The following CNTLN variants were observed in gnomAD, a reference collection of about 807,000 sequenced individuals.
The protein encoded by CNTLN is centlein, centrosomal protein.
CNTLN carries 212 observed loss-of-function variants against 180.0 expected under a neutral mutation model. That is an observed-to-expected ratio of 1.18 (90% confidence interval 1.05 to 1.32). The LOEUF (loss-of-function observed/expected upper bound fraction) is 1.32, where lower values mean the gene tolerates loss of function less well. Among genes scored for constraint, CNTLN ranks in the 40% most tolerant of loss-of-function variants. CNTLN has a pLI of 0.00. For synonymous variants in CNTLN, 722 were observed against 563.1 expected, an observed-to-expected ratio of 1.28 and a Z score of -3.99; for missense variants, 2,095 against 1,610.9, an observed-to-expected ratio of 1.30 and a Z score of -5.14.
chr9:17,220,738 C>T (rs1019577199), intron 2 of CNTLN, among the ~76,000 whole-genome samples: 40 of 152,138 alleles, frequency 2.6e-4, no homozygotes, highest in African/African-American at 9.7e-4. Flanking sequence ...AGGATAATGA[C>T]CTTCAGCTCC....
intron 6 of CNTLN, among the ~76,000 whole-genome samples, chr9:17,274,794 G>T (rs1828205459): frequency 6.6e-6 from 1 of 151,930 alleles, no homozygotes; most frequent in Non-Finnish European, 1.5e-5. Flanking sequence ...TTGGTAAGGG[G>T]GTCAAGTTAG....
chr9:17,350,786 C>G (rs1031853380), intron 12 of CNTLN, among the ~76,000 whole-genome samples: 1 of 152,106 alleles, frequency 6.6e-6, no homozygotes. Context: ...CCCTTTCTAT[C>G]CCTAATTGCT....
intron 11 of CNTLN, among the ~76,000 whole-genome samples, chr9:17,341,245 T>C (rs1028114566): frequency 3.3e-5 from 5 of 152,168 alleles, no homozygotes; most frequent in African/African-American, 1.2e-4. Context: ...AAAGCAAAAA[T>C]GGTTAATATC....
intron 5 of CNTLN, among the ~76,000 whole-genome samples, chr9:17,241,629 A>AG (rs142817515): frequency 0.21 from 31,198 of 151,964 alleles, 4,065 homozygotes; most frequent in African/African-American, 0.36. Context: ...TAGAATCTGT[A>AG]ATGGCTTTGG....
intron 10 of CNTLN, among the ~76,000 whole-genome samples, chr9:17,334,370 A>G (rs774493133): frequency 2.0e-5 from 3 of 151,768 alleles, no homozygotes; most frequent in African/African-American, 4.8e-5. Context: ...CTTTTGCATA[A>G]TTCTTGAAAT....
chr9:17,220,461 A>C (rs1000721169), intron 2 of CNTLN, among the ~76,000 whole-genome samples: 6 of 152,048 alleles, frequency 3.9e-5, no homozygotes, highest in South Asian at 2.1e-4. Context: ...AATGTAGTTA[A>C]ATGTTTTTTA....
intron 2 of CNTLN, among the ~76,000 whole-genome samples, chr9:17,199,271 G>A (rs1484747548): frequency 1.4e-5 from 2 of 147,718 alleles, no homozygotes; most frequent in Non-Finnish European, 1.5e-5. Flanking sequence ...GAGTGCAGTG[G>A]CATAGTCTTG....
At chr9:17,291,219 G>C (rs1375358879) in intron 6 of CNTLN, among the ~76,000 whole-genome samples, 1 of 152,160 alleles carries the variant, frequency 6.6e-6, no homozygotes, top group Non-Finnish European at 1.5e-5. Flanking sequence ...TTACTCCCAA[G>C]TACGTGACTG....
At chr9:17,434,845 A>T (rs1004768988) in intron 18 of CNTLN, among the ~76,000 whole-genome samples, 4 of 152,114 alleles carry the variant, frequency 2.6e-5, no homozygotes, top group Admixed American at 2.6e-4. Context: ...AAAAAAAAAA[A>T]GTTGTTGTTT....
At chr9:17,193,631 T>A (rs1212141443) in intron 2 of CNTLN, among the ~76,000 whole-genome samples, 1 of 152,186 alleles carries the variant, frequency 6.6e-6, no homozygotes, top group Non-Finnish European at 1.5e-5. Flanking sequence ...CCCTCCCAGC[T>A]GCCTTCACGG....
rs1833328152 is a variant in CNTLN, at chr9:17,494,314, A to G, written c.4119+7248A>G. Among the ~76,000 whole-genome samples the G allele has an allele frequency of 2.0e-5, 3 of 152,202 alleles. No individual in the cohort carries two copies. In the South Asian group the frequency reaches 6.2e-4, roughly 32 times the overall value. Reference sequence around the variant, plus strand: ...ATGAGGACATTTTGGCCAATGACAGACCACACTATACAATGGTGTCCCCAT... The same window carrying G: ...ATGAGGACATTTTGGCCAATGACAGGCCACACTATACAATGGTGTCCCCAT... On this transcript the variant is annotated intron_variant, in intron 25 of 25. Transcript: ENST00000380647.
chr9:17,279,536 A>G (rs951488135), intron 6 of CNTLN, among the ~76,000 whole-genome samples: 9 of 151,882 alleles, frequency 5.9e-5, no homozygotes. Flanking sequence ...TATTTCCACT[A>G]TAGTCTGATG....
chr9:17,475,307 G>C (rs927563888), intron 23 of CNTLN, among the ~76,000 whole-genome samples: 2 of 152,096 alleles, frequency 1.3e-5, no homozygotes, highest in African/African-American at 2.4e-5. Context: ...GGTTGGAAGA[G>C]TTGAGTTTCC....
intron 6 of CNTLN, among the ~76,000 whole-genome samples, chr9:17,279,297 CT>C (rs1427782952): frequency 1.3e-5 from 2 of 152,072 alleles, no homozygotes; most frequent in Non-Finnish European, 2.9e-5. Context: ...CATCACTAAA[CT>C]TTTTTACTCT....
intron 10 of CNTLN, among the ~76,000 whole-genome samples, chr9:17,336,504 A>G (rs1220679012): frequency 6.6e-6 from 1 of 152,210 alleles, no homozygotes; most frequent in Non-Finnish European, 1.5e-5. Flanking sequence ...GTCCCCAAAC[A>G]TGAATCTTTG....
chr9:17,415,612 C>T (rs1828162255), intron 16 of CNTLN, among the ~76,000 whole-genome samples, 176 bp from the exon 17 acceptor site: 1 of 151,914 alleles, frequency 6.6e-6, no homozygotes, highest in South Asian at 2.1e-4. Context: ...CTCTGTTGCC[C>T]AGGCTGGTCT....
intron 8 of CNTLN, among the ~76,000 whole-genome samples, chr9:17,318,651 C>A (rs1040191171): frequency 1.3e-5 from 2 of 152,176 alleles, no homozygotes; most frequent in African/African-American, 4.8e-5. Context: ...TCTCACAGCT[C>A]TCCTAGCAGT....
At chr9:17,340,388 A>ATCTTATTTCTTTCCATCCTCAC in intron 10 of CNTLN, among the ~76,000 whole-genome samples, 1 of 152,186 alleles carries the variant, frequency 6.6e-6, no homozygotes, top group South Asian at 2.1e-4. Context: ...AATATTAGTT[A>ATCTTATTTCTTTCCATCCTCAC]TGAATTCATG....
chr9:17,520,639 T>C, the CNTLN span, among the ~76,000 whole-genome samples: 1 of 152,244 alleles, frequency 6.6e-6, no homozygotes. Context: ...AAGGGAGCTC[T>C]ATTTATTGAA....
Sources: gnomAD v4.1 joint callset for allele counts (sites outside exome capture counted in the v4.1 genomes callset) on GRCh38, gnomAD v4.1.1 for gene constraint, MANE v1.5 for transcripts, NCBI Gene and HGNC (gene_info 2026-07-23, HGNC 2026-07-21) for gene names.